Variants in VSTM2B observed in about 807,000 individuals in gnomAD.
The protein encoded by VSTM2B is V-set and transmembrane domain-containing protein 2B.
Under a neutral mutation model 24.0 loss-of-function variants are expected in VSTM2B, and 24 were observed. The observed-to-expected ratio is 1.00, with a 90% CI of 0.72 to 1.40. The LOEUF is 1.40. Ranked by LOEUF, VSTM2B falls within the 40% of genes most tolerant of loss-of-function variation. The probability of loss-of-function intolerance (pLI) is 0.00; values close to 1 mark genes in which losing one functional copy is unlikely to be tolerated. For missense variants in VSTM2B, 399 were observed against 416.4 expected (o/e 0.96, Z 0.36); for synonymous variants, 226 against 194.4 (o/e 1.16, Z -1.35).
intron 4 of VSTM2B, among the ~76,000 whole-genome samples, chr19:29,542,947 A>G (rs1369741453): frequency 6.6e-6 from 1 of 152,126 alleles, no homozygotes; most frequent in East Asian, 1.9e-4. Flanking sequence ...TCCCTAGGCC[A>G]CTGAACCTAG....
At chr19:29,528,396 C>A (rs1031086019) in intron 2 of VSTM2B, 37 bp from the exon 3 acceptor site, 4 of 1,551,024 alleles carry the variant, frequency 2.6e-6, no homozygotes, top group Non-Finnish European at 3.5e-6. Flanking sequence ...CAGAAGGCCG[C>A]GAGCCTCACG....
chr19:29,545,946 C>T (rs1452777970), intron 4 of VSTM2B, among the ~76,000 whole-genome samples: 1 of 152,000 alleles, frequency 6.6e-6, no homozygotes, highest in Admixed American at 6.6e-5. Context: ...GACTGGCTTG[C>T]GGGGGCTTGG....
intron 4 of VSTM2B, among the ~76,000 whole-genome samples, chr19:29,551,965 C>A (rs1970294103): frequency 6.6e-6 from 1 of 152,186 alleles, no homozygotes; most frequent in Non-Finnish European, 1.5e-5. Context: ...CTGGGCCTTG[C>A]CTTGTAGGGT....
chr19:29,528,919 G>A, intron 3 of VSTM2B: 1 of 985,422 alleles, frequency 1.0e-6, no homozygotes, highest in Non-Finnish European at 1.2e-6. Flanking sequence ...CTGGATTGCG[G>A]GTCTGGGTGC....
At chr19:29,539,561 C>G (rs1265601922) in intron 4 of VSTM2B, among the ~76,000 whole-genome samples, 3 of 152,214 alleles carry the variant, frequency 2.0e-5, no homozygotes, top group African/African-American at 7.2e-5. Flanking sequence ...CCACCTATGT[C>G]AGGGAGTGCC....
intron 4 of VSTM2B, among the ~76,000 whole-genome samples, chr19:29,558,241 AGT>A (rs1970454912): frequency 6.6e-6 from 1 of 152,208 alleles, no homozygotes; most frequent in Non-Finnish European, 1.5e-5. Flanking sequence ...GGGAAATAGA[AGT>A]GTTTTTACAG....
intron 4 of VSTM2B, among the ~76,000 whole-genome samples, chr19:29,544,693 G>T (rs939853171): frequency 2.6e-5 from 4 of 152,178 alleles, no homozygotes; most frequent in Admixed American, 6.5e-5. Flanking sequence ...GAAGCTGGAA[G>T]GTGAGGTCAA....
In VSTM2B at chr19:29,526,676, G is replaced by A. The variant is rs962379824; in HGVS notation, c.82+11G>A. 2.8e-5 allele frequency: 42 copies of A among 1,527,016 alleles called. No individual in the cohort carries two copies. The highest frequency in any genetic ancestry group is 4.2e-5 in the African/African-American group (3 of 72,196). The allele number at this position is 1,527,016 out of a possible 1,614,324, so 94.6% of individuals were successfully genotyped here. A position where few individuals can be genotyped will look rare whatever the true frequency, so the allele number is the denominator to read the frequency against. On this transcript the variant is annotated intron_variant, in intron 1 of 4. Coordinates refer to ENST00000335523, the MANE Select transcript of VSTM2B (RefSeq NM_001146339.2). The surrounding 1 kb of genome is among the most constrained non-coding windows in gnomAD (Gnocchi z 4.1). ...TCTTCGTGGCCGACGGTGAGCGCGG[G>A]AACTTTGCTGCCGCTGTGGACTCGG... is the stretch of plus-strand genomic sequence containing the variant.
At chr19:29,531,460 G>T (rs1969755842) in intron 4 of VSTM2B, among the ~76,000 whole-genome samples, 1 of 152,206 alleles carries the variant, frequency 6.6e-6, no homozygotes. Flanking sequence ...GCTGGGGCAG[G>T]TCTTCATGTC....
At chr19:29,547,890 G>C (rs1014389101) in intron 4 of VSTM2B, among the ~76,000 whole-genome samples, 1 of 151,970 alleles carries the variant, frequency 6.6e-6, no homozygotes, top group Admixed American at 6.6e-5. Flanking sequence ...GATTGAAGTG[G>C]GGGGATGGGG....
chr19:29,562,552 G>A (rs1970554994), intron 4 of VSTM2B, among the ~76,000 whole-genome samples: 1 of 152,168 alleles, frequency 6.6e-6, no homozygotes, highest in Admixed American at 6.5e-5. Flanking sequence ...GAGGAGAGAG[G>A]CCTCCGGATG....
chr19:29,556,459 C>T (rs1216354096), intron 4 of VSTM2B, among the ~76,000 whole-genome samples: 2 of 152,178 alleles, frequency 1.3e-5, no homozygotes, highest in African/African-American at 4.8e-5. Flanking sequence ...AAGTGTTCCC[C>T]TTGAAAACCA....
At chr19:29,546,246 C>A (rs1382790800) in intron 4 of VSTM2B, among the ~76,000 whole-genome samples, 1 of 152,100 alleles carries the variant, frequency 6.6e-6, no homozygotes, top group Non-Finnish European at 1.5e-5. Context: ...CAGCCCCCAG[C>A]GCAAGAGCCC....
In VSTM2B at chr19:29,559,099, A is replaced by G. The variant is rs971567512; in HGVS notation, c.770-4747A>G. Among the ~76,000 whole-genome samples the G allele has an allele frequency of 5.9e-5, 9 of 152,260 alleles. No homozygotes were observed. In the East Asian group the frequency reaches 1.5e-3, roughly 26 times the overall value. On this transcript the variant is annotated intron_variant, in intron 4 of 4. Transcript: ENST00000335523. ...ACCAGAAATACCATTTGACCCAACA[A>G]TCTCATTACTGGGTATATACCCAAA...
chr19:29,534,277 C>T (rs1969832578), intron 4 of VSTM2B, among the ~76,000 whole-genome samples: 1 of 152,212 alleles, frequency 6.6e-6, no homozygotes, highest in South Asian at 2.1e-4. Flanking sequence ...TCCTCCTGCC[C>T]TCCATTCCCT....
intron 3 of VSTM2B, chr19:29,529,128 G>A (rs1015792873): frequency 1.0e-6 from 1 of 985,386 alleles, no homozygotes; most frequent in African/African-American, 1.7e-5. Context: ...GTTGAGAGCC[G>A]TAGAGCAGTA....
chr19:29,540,987 G>A (rs1213562314), intron 4 of VSTM2B, among the ~76,000 whole-genome samples: 1 of 152,216 alleles, frequency 6.6e-6, no homozygotes, highest in Admixed American at 6.5e-5. Flanking sequence ...TTTCCAGGAA[G>A]AGGGACTCAC....
intron 4 of VSTM2B, among the ~76,000 whole-genome samples, chr19:29,530,539 G>A (rs117223925): frequency 0.022 from 3,354 of 152,282 alleles, 80 homozygotes; most frequent in East Asian, 0.11. Flanking sequence ...TGCCCTGCCA[G>A]CTACCTCAGG....
chr19:29,543,140 T>C (rs765151343), intron 4 of VSTM2B, among the ~76,000 whole-genome samples: 6 of 152,192 alleles, frequency 3.9e-5, no homozygotes, highest in Non-Finnish European at 8.8e-5. Context: ...TTAATGTAGA[T>C]ATGTTTTTTC....
Sources: allele counts gnomAD v4.1 joint callset (sites outside exome capture counted in the v4.1 genomes callset), GRCh38; gene constraint gnomAD v4.1.1; non-coding constraint Gnocchi (gnomAD v3.1); transcripts MANE v1.5; gene names NCBI Gene and HGNC (gene_info 2026-07-23, HGNC 2026-07-21).